EPHB1: variants seen among roughly 807,000 people sequenced by gnomAD.
EPHB1 encodes ephrin type-B receptor 1.
A neutral mutation model predicts 94.4 loss-of-function variants in EPHB1; 30 were observed. That is an observed-to-expected ratio of 0.32 (90% confidence interval 0.24 to 0.43). EPHB1 has a LOEUF of 0.43. Ranked by LOEUF, EPHB1 falls within the 20% of genes least tolerant of loss-of-function variation. EPHB1 has a pLI of 1.00. For synonymous variants in EPHB1, 522 were observed against 489.1 expected (o/e 1.07, Z -0.89); for missense variants, 1,055 against 1,308.3 (o/e 0.81, Z 2.99).
chr3:135,134,549 C>T (rs1940545421), intron 5 of EPHB1, among the ~76,000 whole-genome samples: 1 of 152,168 alleles, frequency 6.6e-6, no homozygotes, highest in South Asian at 2.1e-4. Context: ...TGTTTACATG[C>T]ATACGTGTGT....
chr3:134,945,316 T>C (rs570081262), intron 2 of EPHB1, among the ~76,000 whole-genome samples: 2 of 152,222 alleles, frequency 1.3e-5, no homozygotes, highest in Non-Finnish European at 2.9e-5. Flanking sequence ...ACAATTAGTA[T>C]ACAAAAATTT....
At chr3:134,849,076 A>G (rs2036927288) in intron 1 of EPHB1, among the ~76,000 whole-genome samples, 1 of 152,246 alleles carries the variant, frequency 6.6e-6, no homozygotes, top group Non-Finnish European at 1.5e-5. Flanking sequence ...CCAGAGGTTT[A>G]GGGCAGTGGT....
intron 1 of EPHB1, among the ~76,000 whole-genome samples, chr3:134,897,018 C>T (rs988545738): frequency 6.6e-6 from 1 of 152,192 alleles, no homozygotes; most frequent in Non-Finnish European, 1.5e-5. Flanking sequence ...CAGGGCCCTG[C>T]AATGAGATGA....
intron 3 of EPHB1, among the ~76,000 whole-genome samples, chr3:135,105,078 T>G (rs1009756546): frequency 1.3e-5 from 2 of 152,228 alleles, no homozygotes; most frequent in African/African-American, 4.8e-5. Flanking sequence ...GAGTAATGCA[T>G]GGAAAGCACT....
chr3:134,839,911 G>T (rs2036745303), intron 1 of EPHB1, among the ~76,000 whole-genome samples: 1 of 152,144 alleles, frequency 6.6e-6, no homozygotes, highest in African/African-American at 2.4e-5. Flanking sequence ...GCTCAGGATG[G>T]GCCAGGACTG....
intron 15 of EPHB1, among the ~76,000 whole-genome samples, chr3:135,250,786 T>C (rs1933048033): frequency 6.6e-6 from 1 of 152,136 alleles, no homozygotes; most frequent in Non-Finnish European, 1.5e-5. Context: ...TATTGTGGGA[T>C]CTGGCAGCCT....
At chr3:135,201,441 C>A in intron 11 of EPHB1, 33 bp from the exon 12 acceptor site, 2 of 1,610,066 alleles carry the variant, frequency 1.2e-6, no homozygotes, top group South Asian at 2.2e-5. Context: ...TGAAGCCCGT[C>A]TTGATCCCAA....
intron 4 of EPHB1, among the ~76,000 whole-genome samples, chr3:135,120,101 T>C (rs1939889025): frequency 6.6e-6 from 1 of 152,212 alleles, no homozygotes; most frequent in Non-Finnish European, 1.5e-5. Context: ...TTCTTAAACG[T>C]TGTTTTCTTC....
At chr3:134,952,917 G>A (rs9815290) in intron 3 of EPHB1, among the ~76,000 whole-genome samples, 75,704 of 152,036 alleles carry the variant, frequency 0.5, 19,747 homozygotes, top group African/African-American at 0.64. Context: ...GAAGCTGAAC[G>A]TGGGGGAATC....
intron 4 of EPHB1, among the ~76,000 whole-genome samples, chr3:135,111,733 G>GCA (rs1939452932): frequency 6.6e-6 from 1 of 152,094 alleles, no homozygotes; most frequent in Non-Finnish European, 1.5e-5. Flanking sequence ...AGGCTGGACT[G>GCA]CAGTGGCGTG....
At chr3:134,832,700 T>C (rs1050111121) in intron 1 of EPHB1, among the ~76,000 whole-genome samples, 1 of 152,248 alleles carries the variant, frequency 6.6e-6, no homozygotes, top group Non-Finnish European at 1.5e-5. Flanking sequence ...ACAATGAAGT[T>C]GATGTCATCG....
At chr3:135,036,902 T>G (rs13064370) in intron 3 of EPHB1, among the ~76,000 whole-genome samples, 38,667 of 151,992 alleles carry the variant, frequency 0.25, 6,408 homozygotes, top group East Asian at 0.71. Context: ...AGTCCTGATG[T>G]GGCTATTAGG....
At chr3:135,039,009 C>T (rs1936739783) in intron 3 of EPHB1, among the ~76,000 whole-genome samples, 1 of 152,162 alleles carries the variant, frequency 6.6e-6, no homozygotes, top group Admixed American at 6.5e-5. Flanking sequence ...ATGTCCCCAT[C>T]AGATTAGTTA....
At chr3:134,996,368 T>C (rs1247735035) in intron 3 of EPHB1, among the ~76,000 whole-genome samples, 5 of 151,994 alleles carry the variant, frequency 3.3e-5, no homozygotes, top group African/African-American at 1.2e-4. Flanking sequence ...CAATTTTTTG[T>C]AGAGATGGGG....
intron 4 of EPHB1, among the ~76,000 whole-genome samples, chr3:135,126,954 C>T (rs1175617071): frequency 6.6e-6 from 1 of 152,112 alleles, no homozygotes; most frequent in Non-Finnish European, 1.5e-5. Context: ...GGTGAAGATT[C>T]CCGATAATCC....
At chr3:134,973,866 C>A (rs1381304224) in intron 3 of EPHB1, among the ~76,000 whole-genome samples, 1 of 152,192 alleles carries the variant, frequency 6.6e-6, no homozygotes, top group Non-Finnish European at 1.5e-5. Context: ...TAGAGAAAAT[C>A]TCTGCAGCTG....
At position 135,011,011 on chromosome 3, in the gene EPHB1, C is replaced by T. The variant is rs111230812; in HGVS notation, c.805+58959C>T. ...TCCCAGATTCCATTTTCAGGTTATT[C>T]GCCACCCACCTCCCACCCTCCATAG... On this transcript the variant is annotated intron_variant, in intron 3 of 15. Transcript: ENST00000398015. Among the ~76,000 whole-genome samples, 1,029 of 152,230 alleles carry T rather than the reference C, an allele frequency of 6.8e-3. 16 individuals are homozygous for T. Among genetic ancestry groups the T allele is most frequent in the African/African-American group, 0.023 (955 of 41,524 alleles).
chr3:135,169,945 A>T (rs956183771), intron 9 of EPHB1, among the ~76,000 whole-genome samples: 3 of 152,114 alleles, frequency 2.0e-5, no homozygotes, highest in African/African-American at 7.2e-5. Flanking sequence ...GTGGCTCCCC[A>T]CTCTGAATCC....
rs369319118 is a variant in EPHB1 at position 135,141,988 on chromosome 3, C to T, written c.1297+8939C>T. Among the ~76,000 whole-genome samples, 3 of 152,304 alleles carry T rather than the reference C, an allele frequency of 2.0e-5. No individual in the cohort carries two copies. The East Asian group carries it at 5.8e-4, about 29-fold the overall frequency. Reference sequence around the variant, plus strand: ...TATAGTTTGCGAGTACAGAGGAGACCTCCCCAGGGGCTCCCAGAAGTATTC... The same window carrying T: ...TATAGTTTGCGAGTACAGAGGAGACTTCCCCAGGGGCTCCCAGAAGTATTC... On this transcript the variant is annotated intron_variant, in intron 5 of 15. Coordinates refer to ENST00000398015, the MANE Select transcript of EPHB1 (RefSeq NM_004441.5).
Sources: allele counts gnomAD v4.1 joint callset (sites outside exome capture counted in the v4.1 genomes callset), GRCh38; gene constraint gnomAD v4.1.1; transcripts MANE v1.5; gene names NCBI Gene and HGNC (gene_info 2026-07-23, HGNC 2026-07-21).